The following PRH1 variants were observed in gnomAD, a reference collection of about 807,000 sequenced individuals.
The protein encoded by PRH1 is proline rich protein HaeIII subfamily 1, also known as salivary acidic proline-rich phosphoprotein 1/2.
A neutral mutation model predicts 7.9 loss-of-function variants in PRH1; 7 were observed. The observed-to-expected ratio is 0.89, with a 90% CI of 0.50 to 1.67. The LOEUF is 1.67. Ranked by LOEUF, PRH1 falls within the 40% of genes most tolerant of loss-of-function variation. The pLI is 0.00. For synonymous variants in PRH1, 45 were observed against 80.8 expected (o/e 0.56, Z 2.38); for missense variants, 109 against 223.6 (o/e 0.49, Z 3.27).
chr12:10,934,575 T>C (rs763837753), intron 2 of PRH1, among the ~76,000 whole-genome samples: 8 of 152,104 alleles, frequency 5.3e-5, no homozygotes, highest in Non-Finnish European at 1.0e-4. Flanking sequence ...CACATGTACC[T>C]GTTATACATA....
At chr12:11,070,838 G>C (rs77612137) in intron 1 of PRH1, among the ~76,000 whole-genome samples, 65,783 of 115,932 alleles carry the variant, frequency 0.57, 15,326 homozygotes, top group Non-Finnish European at 0.65. Context: ...TGTTATTTGC[G>C]TTGGCTTTTT....
intron 1 of PRH1, chr12:10,997,696 C>A: frequency 6.2e-7 from 1 of 1,613,738 alleles, no homozygotes; most frequent in Middle Eastern, 1.7e-4. Context: ...ATAATATTAC[C>A]CAGAGCAAAC....
chr12:11,143,767 C>CG (rs1946781939), intron 1 of PRH1, among the ~76,000 whole-genome samples: 1 of 46,794 alleles, frequency 2.1e-5, no homozygotes, highest in Non-Finnish European at 6.5e-5. Context: ...GTCAACTCAT[C>CG]GAAAGGATAT....
At chr12:10,928,649 G>A (rs1826548102) in intron 2 of PRH1, among the ~76,000 whole-genome samples, 1 of 152,220 alleles carries the variant, frequency 6.6e-6, no homozygotes, top group Non-Finnish European at 1.5e-5. Context: ...GCATGAGGAG[G>A]CTGCGGGGCA....
chr12:11,146,925 T>C (rs1946878521), intron 1 of PRH1, among the ~76,000 whole-genome samples: 1 of 152,198 alleles, frequency 6.6e-6, no homozygotes, highest in African/African-American at 2.4e-5. Context: ...TTGTTGTCTA[T>C]TGCATCCTTC....
chr12:11,006,541 CCTG>C (rs1308524423), intron 1 of PRH1, among the ~76,000 whole-genome samples: 10 of 151,814 alleles, frequency 6.6e-5, no homozygotes, highest in Admixed American at 3.3e-4. Context: ...CACCACCAAG[CCTG>C]CTAATTTTAA....
At chr12:11,062,415 T>C in intron 1 of PRH1, 1 of 1,291,462 alleles carries the variant, frequency 7.7e-7, no homozygotes, top group South Asian at 1.7e-5. Context: ...GTGACATTCT[T>C]TTTACTTTTA....
chr12:11,143,064 T>C (rs1196644275), intron 1 of PRH1, among the ~76,000 whole-genome samples: 3 of 152,110 alleles, frequency 2.0e-5, no homozygotes, highest in Non-Finnish European at 2.9e-5. Flanking sequence ...TATAACACTG[T>C]AAATGTGGTG....
At chr12:10,968,513 G>A (rs1172929846) in intron 2 of PRH1, among the ~76,000 whole-genome samples, 1 of 152,168 alleles carries the variant, frequency 6.6e-6, no homozygotes, top group Admixed American at 6.5e-5. Flanking sequence ...TACAATTCAG[G>A]GTAATGGGAT....
chr12:11,107,904 A>C (rs1262901150), intron 1 of PRH1, among the ~76,000 whole-genome samples: 1 of 152,242 alleles, frequency 6.6e-6, no homozygotes, highest in Non-Finnish European at 1.5e-5. Flanking sequence ...TTCTGAAAGC[A>C]GCAAAAGAAA....
At chr12:11,128,695 A>G (rs2136349198) in intron 1 of PRH1, among the ~76,000 whole-genome samples, 1 of 152,318 alleles carries the variant, frequency 6.6e-6, no homozygotes, top group South Asian at 2.1e-4. Context: ...TAGTTAGTCG[A>G]GATCACGCCA....
chr12:11,109,756 C>A (rs768373291), intron 1 of PRH1, among the ~76,000 whole-genome samples: 7 of 151,966 alleles, frequency 4.6e-5, no homozygotes, highest in African/African-American at 1.5e-4. Context: ...AAACCGGAAG[C>A]CTCTTCTCTT....
At chr12:11,061,277 AT>A in intron 1 of PRH1, 11 of 1,516,506 alleles carry the variant, frequency 7.3e-6, no homozygotes, top group Non-Finnish European at 9.7e-6. Flanking sequence ...ATATACATAC[AT>A]TACAGAAAAC....
chr12:11,125,498 AGTTAT>A (rs1276356418), intron 1 of PRH1, among the ~76,000 whole-genome samples: 15,883 of 117,130 alleles, frequency 0.14, no homozygotes, highest in East Asian at 0.42. Context: ...CAGTCCAAGT[AGTTAT>A]ACTACATATG....
intron 1 of PRH1, among the ~76,000 whole-genome samples, chr12:11,028,235 C>T (rs1942013893): frequency 1.3e-5 from 2 of 152,194 alleles, no homozygotes; most frequent in Non-Finnish European, 2.9e-5. Flanking sequence ...CAAGGAAACC[C>T]TGACCAATAG....
chr12:11,011,654 C>T (rs1050012016), intron 1 of PRH1, among the ~76,000 whole-genome samples: 1 of 152,130 alleles, frequency 6.6e-6, no homozygotes, highest in Non-Finnish European at 1.5e-5. Flanking sequence ...TAACCAGAAT[C>T]ATGACCACTG....
chr12:10,906,366 T>C (rs1289017387), intron 2 of PRH1, among the ~76,000 whole-genome samples: 1 of 152,222 alleles, frequency 6.6e-6, no homozygotes, highest in Admixed American at 6.5e-5. Flanking sequence ...AGTTGATTAT[T>C]GAACTTCATT....
At chr12:11,048,020 C>T (rs115380120), upstream of PRH1, among the ~76,000 whole-genome samples, 1 of 128,824 alleles carries the variant, frequency 7.8e-6, no homozygotes, top group African/African-American at 2.7e-5. Context: ...AAATTCTTCA[C>T]ATGAAATACC....
rs868844510 is a variant in PRH1, at chr12:11,148,829, T to C, written n.39+22593A>G. Among the ~76,000 whole-genome samples the C allele has an allele frequency of 4.2e-3, 541 of 127,444 alleles. 11 individuals are homozygous for C. Among genetic ancestry groups the C allele is most frequent in the African/African-American group, 0.014 (514 of 36,596 alleles). The allele number at this position is 127,444 out of a possible 152,430, so 83.6% of individuals were successfully genotyped here. A position where few individuals can be genotyped will look rare whatever the true frequency, so the allele number is the denominator to read the frequency against. ...ATGAGTTAGGGAGGATTCCCTCTTT[T>C]TCTATTGATTGGAATAGTTTCAGAA... On this transcript the variant is annotated intron_variant and non_coding_transcript_variant, in intron 1 of 1. Transcript: ENST00000541175.
Sources: allele counts gnomAD v4.1 joint callset (sites outside exome capture counted in the v4.1 genomes callset), GRCh38; gene constraint gnomAD v4.1.1; transcripts MANE v1.5; gene names NCBI Gene and HGNC (gene_info 2026-07-23, HGNC 2026-07-21).